CTPS1: variants seen among roughly 807,000 people sequenced by gnomAD.
CTPS1 encodes the protein CTP synthetase 1.
In CTPS1, 25 loss-of-function variants were observed where a neutral mutation model predicts 80.5. That is an observed-to-expected ratio of 0.31 (90% confidence interval 0.23 to 0.43). The LOEUF is 0.43. Ranked by LOEUF, CTPS1 falls within the 20% of genes least tolerant of loss-of-function variation. The pLI is 1.00. For missense variants in CTPS1, 442 were observed against 725.7 expected, an observed-to-expected ratio of 0.61 and a Z score of 4.49; for synonymous variants, 267 against 252.5, an observed-to-expected ratio of 1.06 and a Z score of -0.54.
At chr1:41,002,312 C>T in intron 11 of CTPS1, 58 bp downstream of exon 11, 2 of 1,389,470 alleles carry the variant, frequency 1.4e-6, no homozygotes, top group Non-Finnish European at 2.0e-6. Context: ...GGGAACGGTG[C>T]CACGTGGGAG....
At chr1:41,000,990 C>T (rs1045770431) in intron 9 of CTPS1, 39 bp from the exon 10 acceptor site, 17 of 1,431,026 alleles carry the variant, frequency 1.2e-5, no homozygotes, top group Middle Eastern at 1.8e-4. Context: ...AGCCTGGGGT[C>T]ACGAGCCTGC....
At chr1:40,996,794 GTTA>G (rs897572102) in intron 8 of CTPS1, among the ~76,000 whole-genome samples, 2 of 152,060 alleles carry the variant, frequency 1.3e-5, no homozygotes, top group African/African-American at 4.8e-5. Context: ...ATTTTGCTCT[GTTA>G]TTATATTTTA....
chr1:41,006,019 CT>C, intron 12 of CTPS1, 31 bp from the exon 13 acceptor site: 1 of 1,567,090 alleles, frequency 6.4e-7, no homozygotes, highest in Non-Finnish European at 8.8e-7. Context: ...TCGTTTGTAA[CT>C]ATTTTCATAA....
intron 9 of CTPS1, 50 bp from the exon 10 acceptor site, chr1:41,000,979 C>T (rs770710650): frequency 6.3e-6 from 8 of 1,278,436 alleles, no homozygotes; most frequent in Middle Eastern, 2.0e-4. Flanking sequence ...TAAGAACGCA[C>T]AGCCTGGGGT....
In CTPS1 at chr1:41,007,133, T is replaced by C. The variant is rs1023669007; in HGVS notation, c.1297-316T>C. ...GACATGTTATGACACATCCAGTCCG[T>C]GTCTGTGCTACTGTATCAGTCTTTC... is the stretch of plus-strand genomic sequence containing the variant. On this transcript the variant is annotated intron_variant, in intron 13 of 18. Transcript: ENST00000650070. This position sits in a 1 kb window ranked among gnomAD's most constrained non-coding sequence, Gnocchi z 4.4. 3.3e-5 allele frequency among the ~76,000 whole-genome samples: 5 copies of C among 152,184 alleles called. No individual in the cohort carries two copies. Among genetic ancestry groups the C allele is most frequent in the South Asian group, 2.1e-4 (1 of 4,830 alleles).
chr1:40,997,279 G>T (rs1642777772), intron 8 of CTPS1, 115 bp from the exon 9 acceptor site: 2 of 1,252,122 alleles, frequency 1.6e-6, no homozygotes, highest in South Asian at 1.5e-5. Flanking sequence ...TAGGATTATG[G>T]GCGTGAGCTC....
intron 8 of CTPS1, 188 bp from the exon 9 acceptor site, chr1:40,997,206 C>T (rs1642775914): frequency 3.3e-6 from 2 of 606,584 alleles, no homozygotes; most frequent in South Asian, 2.1e-5. Flanking sequence ...AGTCAGCTCA[C>T]TGTAACCTCC....
chr1:40,991,980 G>A, intron 7 of CTPS1, 135 bp downstream of exon 7: 2 of 664,474 alleles, frequency 3.0e-6, no homozygotes, highest in Admixed American at 2.3e-5. Context: ...ATTGCCATCG[G>A]CCATTCCCTG....
intron 7 of CTPS1, among the ~76,000 whole-genome samples, chr1:40,994,226 A>G (rs1642696565): frequency 6.6e-6 from 1 of 152,098 alleles, no homozygotes; most frequent in Non-Finnish European, 1.5e-5. Context: ...TTTTCTTGTA[A>G]AAGTTAGTTT....
rs759676939 is a variant in CTPS1, at chr1:41,008,696, G to A, written c.1431G>A (p.Arg477=). The change falls in exon 15 of 19, where the codon AGG becomes AGA. Residue 477 remains arginine, a synonymous_variant. Coordinates refer to ENST00000650070, the MANE Select transcript of CTPS1 (RefSeq NM_001905.4). ...LYGDADYLEE[R]HRHRFEVNPV... ...GAGACGCAGACTACTTGGAAGAGAG[G>A]CACCGCCACCGATTTGAGGTGAGGA... 1.2e-6 allele frequency: 2 copies of A among 1,614,182 alleles called. No individual in the cohort carries two copies. The highest frequency in any genetic ancestry group is 1.7e-6 in the Non-Finnish European group (2 of 1,180,034).
At chr1:41,003,291 A>G (rs78935427) in intron 12 of CTPS1, 115 bp downstream of exon 12, 17,388 of 1,118,426 alleles carry the variant, frequency 0.016, 179 homozygotes, top group Middle Eastern at 0.041. Flanking sequence ...CTGGGTTCCT[A>G]GCACCTCATG....
rs61780437 is a variant in CTPS1 at position 41,012,016 on chromosome 1, T to C, written c.*368T>C. ...TTTCCCTTGGATACCTAGACCGTTA[T>C]AAAGTGTGCCACATGGACTTACCGA... is the stretch of plus-strand genomic sequence containing the variant. On this transcript the variant is annotated 3_prime_UTR_variant, in exon 19 of 19. Coordinates refer to ENST00000650070, the MANE Select transcript of CTPS1 (RefSeq NM_001905.4). The C allele has an allele frequency of 0.017, 2,615 of 152,348 alleles. 40 individuals carry two copies. Among genetic ancestry groups the C allele is most frequent in the Non-Finnish European group, 0.026 (1,788 of 68,038 alleles). 9.4% of individuals were successfully genotyped at this position (152,348 alleles called of 1,614,324 possible). A position where few individuals can be genotyped will look rare whatever the true frequency, so the allele number is the denominator to read the frequency against.
intron 10 of CTPS1, 39 bp downstream of exon 10, chr1:41,001,156 T>C (rs1642894620): frequency 6.7e-7 from 1 of 1,489,420 alleles, no homozygotes; most frequent in South Asian, 1.2e-5. Flanking sequence ...CAGAGTTCTT[T>C]TGGTTTGTTT....
chr1:41,009,697 A>G (rs1422440752), intron 17 of CTPS1, 108 bp downstream of exon 17: 18 of 1,370,626 alleles, frequency 1.3e-5, no homozygotes, highest in Non-Finnish European at 4.0e-6. Context: ...AAAAAAAGCC[A>G]CAGGCGCCTG....
At chr1:40,995,844 C>T (rs540327784) in intron 7 of CTPS1, 73 bp from the exon 8 acceptor site, 2 of 1,439,856 alleles carry the variant, frequency 1.4e-6, no homozygotes, top group Non-Finnish European at 1.9e-6. Flanking sequence ...TTTACAAGGT[C>T]ACGTAGCTAG....
chr1:41,001,032 A>G lies in CTPS1; in HGVS notation c.1009A>G (p.Ile337Val), dbSNP rs140093917. Reference protein sequence around the residue: ...AINHKLEIKYIDSADLEPITS... With the variant: ...AINHKLEIKYVDSADLEPITS... ...CCCCTGTCTGAATAACATCCAGTAC[A>G]TAGATTCTGCGGACTTGGAGCCCAT... The change falls in exon 10 of 19, where the codon ATA becomes GTA. Residue 337 changes from isoleucine to valine, a missense_variant. Transcript: ENST00000650070. 18 of 1,609,920 alleles carry G rather than the reference A, an allele frequency of 1.1e-5. No individual in the cohort carries two copies. The highest frequency in any genetic ancestry group is 8.9e-5 in the East Asian group (4 of 44,786).
intron 11 of CTPS1, among the ~76,000 whole-genome samples, chr1:41,002,495 T>A (rs72942625): frequency 1.3e-4 from 20 of 152,358 alleles, no homozygotes; most frequent in African/African-American, 4.6e-4. Flanking sequence ...TGTGAATTCC[T>A]GTCCATTTAA....
intron 5 of CTPS1, among the ~76,000 whole-genome samples, chr1:40,990,161 A>C (rs1642566934): frequency 1.3e-5 from 2 of 152,204 alleles, no homozygotes; most frequent in Admixed American, 6.5e-5. Flanking sequence ...GCTCTAGAAC[A>C]GTAGAGTTGA....
intron 7 of CTPS1, among the ~76,000 whole-genome samples, chr1:40,993,661 A>C (rs1642675214): frequency 6.6e-6 from 1 of 151,888 alleles, no homozygotes; most frequent in African/African-American, 2.4e-5. Flanking sequence ...TTTAATTGGA[A>C]TGTTTATCTT....
Sources: allele counts gnomAD v4.1 joint callset (sites outside exome capture counted in the v4.1 genomes callset), GRCh38; gene constraint gnomAD v4.1.1; non-coding constraint Gnocchi (gnomAD v3.1); transcripts MANE v1.5; gene names NCBI Gene and HGNC (gene_info 2026-07-23, HGNC 2026-07-21).